The following MNS1 variants were observed in gnomAD, a reference collection of about 807,000 sequenced individuals.
MNS1 encodes meiosis-specific nuclear structural protein 1.
Under a neutral mutation model 72.0 loss-of-function variants are expected in MNS1, and 63 were observed. The ratio of observed to expected loss-of-function variants is 0.87; its 90% CI spans 0.71 to 1.08. MNS1 has a LOEUF of 1.08. Ranked by LOEUF, MNS1 falls within the 50% of genes least tolerant of loss-of-function variation. The probability of loss-of-function intolerance (pLI) is 0.00; values close to 1 mark genes in which losing one functional copy is unlikely to be tolerated. For missense variants in MNS1, 604 were observed against 562.4 expected, an observed-to-expected ratio of 1.07 and a Z score of -0.75; for synonymous variants, 188 against 172.1, an observed-to-expected ratio of 1.09 and a Z score of -0.72.
In MNS1 at chr15:56,462,435, G is replaced by A. The variant is rs77873153; in HGVS notation, c.225+1591C>T. Among the ~76,000 whole-genome samples the A allele has an allele frequency of 3.3e-3, 509 of 152,230 alleles. 4 individuals carry two copies. The highest frequency in any genetic ancestry group is 0.011 in the African/African-American group (460 of 41,526). ...TGACAAAGACAGCATCACCTATGGA[G>A]TATTCTTGCCAAAAAAGGTGGACCG... On this transcript the variant is annotated intron_variant, in intron 2 of 9. Coordinates refer to ENST00000260453, the MANE Select transcript of MNS1 (RefSeq NM_018365.4).
At chr15:56,439,014 G>T (rs2050775530) in intron 7 of MNS1, among the ~76,000 whole-genome samples, 1 of 152,028 alleles carries the variant, frequency 6.6e-6, no homozygotes, top group African/African-American at 2.4e-5. Context: ...GGAAGAAACA[G>T]CCTGTAGCTC....
chr15:56,445,242 A>G (rs920631211), intron 4 of MNS1, among the ~76,000 whole-genome samples: 6 of 151,920 alleles, frequency 3.9e-5, no homozygotes, highest in African/African-American at 9.7e-5. Flanking sequence ...TACTGTGCCT[A>G]TTTTCTACAG....
At chr15:56,441,201 A>G (rs2050808964) in intron 7 of MNS1, among the ~76,000 whole-genome samples, 1 of 152,132 alleles carries the variant, frequency 6.6e-6, no homozygotes, top group South Asian at 2.1e-4. Flanking sequence ...GTCTGCAGGT[A>G]TATTTTCATT....
At chr15:56,460,036 G>A (rs78945694) in intron 2 of MNS1, among the ~76,000 whole-genome samples, 18,461 of 57,978 alleles carry the variant, frequency 0.32, 3,331 homozygotes, top group Middle Eastern at 0.56. Context: ...ATATATATAT[G>A]TGACTATAGT....
chr15:56,430,466 AAAGT>A (rs2050557084), intron 9 of MNS1, among the ~76,000 whole-genome samples: 1 of 152,148 alleles, frequency 6.6e-6, no homozygotes, highest in South Asian at 2.1e-4. Flanking sequence ...TCAGCCTCCC[AAAGT>A]GCTGGGATTA....
chr15:56,436,863 T>G (rs1310220622), intron 7 of MNS1, among the ~76,000 whole-genome samples: 1 of 152,126 alleles, frequency 6.6e-6, no homozygotes, highest in Non-Finnish European at 1.5e-5. Flanking sequence ...AAGAAATGGA[T>G]AAATTCCTGG....
chr15:56,454,507 T>C (rs1004450239), intron 3 of MNS1, among the ~76,000 whole-genome samples: 1 of 152,196 alleles, frequency 6.6e-6, no homozygotes, highest in Non-Finnish European at 1.5e-5. Context: ...CTACTGTTTC[T>C]ATTCAGGATT....
chr15:56,434,441 C>T (rs772269141), intron 7 of MNS1, 46 bp from the exon 8 acceptor site: 3 of 1,537,198 alleles, frequency 2.0e-6, no homozygotes, highest in Non-Finnish European at 2.7e-6. Context: ...TTTCCTTACA[C>T]CAGATTTATA....
Position 56,428,959 on chromosome 15 carries a change from T to G in MNS1, c.*142A>C. The G allele has an allele frequency of 1.8e-6, 1 of 569,474 alleles. No homozygotes were observed. The highest frequency in any genetic ancestry group is 3.0e-6 in the Non-Finnish European group (1 of 328,374). The allele number at this position is 569,474 out of a possible 1,614,324, so 35.3% of individuals were successfully genotyped here. A position where few individuals can be genotyped will look rare whatever the true frequency, so the allele number is the denominator to read the frequency against. ...AATTAATTTGTATCTGATAATTGTTTACAAGTTATGAAATTCAGTGATGAT... is the reference window on the plus strand; with the variant it reads ...AATTAATTTGTATCTGATAATTGTTGACAAGTTATGAAATTCAGTGATGAT... On this transcript the variant is annotated 3_prime_UTR_variant, in exon 10 of 10. Transcript: ENST00000260453.
intron 3 of MNS1, 114 bp downstream of exon 3, chr15:56,456,280 A>AT: frequency 1.1e-6 from 1 of 947,584 alleles, no homozygotes; most frequent in Non-Finnish European, 1.5e-6. Flanking sequence ...TCCAGGTAAA[A>AT]TATTAACTAA....
At chr15:56,448,229 T>C (rs1421073700) in intron 3 of MNS1, among the ~76,000 whole-genome samples, 1 of 152,218 alleles carries the variant, frequency 6.6e-6, no homozygotes, top group African/African-American at 2.4e-5. Context: ...CCAAACTGTC[T>C]ACTAAAGTGG....
intron 2 of MNS1, among the ~76,000 whole-genome samples, chr15:56,458,708 G>A (rs1224296948): frequency 6.6e-6 from 1 of 152,060 alleles, no homozygotes. Flanking sequence ...TATACAGAAT[G>A]GAGCCTTTTT....
intron 7 of MNS1, among the ~76,000 whole-genome samples, chr15:56,435,571 G>C (rs1043312653): frequency 3.9e-5 from 6 of 151,972 alleles, no homozygotes; most frequent in African/African-American, 1.4e-4. Flanking sequence ...TGGCAACTTA[G>C]ATGAAATGGA....
rs542039508 is a variant in MNS1, at chr15:56,447,034, C to T, written c.354-91G>A. 24 of 833,770 alleles carry T rather than the reference C, an allele frequency of 2.9e-5. 2 individuals are homozygous for T. The South Asian group carries it at 3.5e-4, about 12-fold the overall frequency. 51.6% of individuals were successfully genotyped at this position (833,770 alleles called of 1,614,324 possible). ...ACTGAGTAACTGTATTTTTAATTTA[C>T]TCAAAGAGGGAATACAGCGGGTATT... On this transcript the variant is annotated intron_variant, in intron 3 of 9. Coordinates refer to ENST00000260453, the MANE Select transcript of MNS1 (RefSeq NM_018365.4).
chr15:56,442,248 G>A (rs1411461365), intron 7 of MNS1, among the ~76,000 whole-genome samples: 1 of 152,076 alleles, frequency 6.6e-6, no homozygotes, highest in Non-Finnish European at 1.5e-5. Flanking sequence ...ACAAGGTTGT[G>A]GAGAAAAAGG....
intron 7 of MNS1, among the ~76,000 whole-genome samples, chr15:56,437,943 CCACTGCTCAA>C (rs2050756198): frequency 6.6e-6 from 1 of 152,124 alleles, no homozygotes; most frequent in South Asian, 2.1e-4. Context: ...GAACTGCAAA[CCACTGCTCAA>C]CGAAATAAAA....
At chr15:56,437,336 A>C (rs1167303022) in intron 7 of MNS1, among the ~76,000 whole-genome samples, 1 of 152,226 alleles carries the variant, frequency 6.6e-6, no homozygotes, top group East Asian at 1.9e-4. Context: ...AATGTAATCC[A>C]GCATATAAAC....
At chr15:56,461,130 C>G (rs928298286) in intron 2 of MNS1, among the ~76,000 whole-genome samples, 1 of 152,160 alleles carries the variant, frequency 6.6e-6, no homozygotes, top group African/African-American at 2.4e-5. Flanking sequence ...AGGCCTTCAA[C>G]TGATCGGATG....
chr15:56,443,948 T>C (rs903226202), intron 5 of MNS1, 94 bp from the exon 6 acceptor site: 5 of 988,644 alleles, frequency 5.1e-6, no homozygotes, highest in African/African-American at 1.6e-5. Context: ...AAAAACACTA[T>C]AGTTTTTTCA....
Sources: allele counts gnomAD v4.1 joint callset (sites outside exome capture counted in the v4.1 genomes callset), GRCh38; gene constraint gnomAD v4.1.1; transcripts MANE v1.5; gene names NCBI Gene and HGNC (gene_info 2026-07-23, HGNC 2026-07-21).